The following PLCB4 variants were observed in gnomAD, a reference collection of about 807,000 sequenced individuals.
The protein encoded by PLCB4 is phospholipase C beta 4.
PLCB4 carries 77 observed loss-of-function variants against 178.8 expected under a neutral mutation model. The ratio of observed to expected loss-of-function variants is 0.43; its 90% confidence interval spans 0.36 to 0.52. PLCB4 has a LOEUF of 0.52. Among genes scored for constraint, PLCB4 ranks in the 20% least tolerant of loss-of-function variants. The pLI is 0.00. For synonymous variants in PLCB4, 496 were observed against 490.8 expected (o/e 1.01, Z -0.14); for missense variants, 1,024 against 1,453.4 (o/e 0.70, Z 4.80).
intron 3 of PLCB4, among the ~76,000 whole-genome samples, chr20:9,219,074 C>CA (rs1225933931): frequency 1.3e-5 from 2 of 151,874 alleles, no homozygotes; most frequent in African/African-American, 4.8e-5. Context: ...TTCAAGAGTC[C>CA]AAAAAAAGAA....
At chr20:9,335,248 T>A (rs530791883) in intron 4 of PLCB4, among the ~76,000 whole-genome samples, 1 of 152,298 alleles carries the variant, frequency 6.6e-6, no homozygotes, top group South Asian at 2.1e-4. Context: ...AGACCCGCCA[T>A]GGCCTTTTGG....
At chr20:9,328,092 G>A (rs545616856) in intron 4 of PLCB4, among the ~76,000 whole-genome samples, 1 of 152,316 alleles carries the variant, frequency 6.6e-6, no homozygotes, top group Admixed American at 6.5e-5. Flanking sequence ...AATAACGGAA[G>A]AGGGATTTAG....
chr20:9,455,115 C>A (rs1252324159), intron 33 of PLCB4, among the ~76,000 whole-genome samples: 1 of 152,128 alleles, frequency 6.6e-6, no homozygotes. Flanking sequence ...ATTAATTTCT[C>A]ATATTTAATG....
At chr20:9,297,247 G>A (rs1233205128) in intron 3 of PLCB4, among the ~76,000 whole-genome samples, 2 of 151,754 alleles carry the variant, frequency 1.3e-5, no homozygotes, top group Non-Finnish European at 2.9e-5. Context: ...GGTCACTTCT[G>A]TAATTCACTA....
In PLCB4 at chr20:9,267,479, G is replaced by A. The variant is rs144292685; in HGVS notation, c.-15-40321G>A. ...CTGTTTAGAAGTAGAAATTAGTCAA[G>A]CTTTTTAAAATAATTATTATTTGTA... On this transcript the variant is annotated intron_variant, in intron 3 of 39. Transcript: ENST00000378473. 2.0e-5 allele frequency among the ~76,000 whole-genome samples: 3 copies of A among 152,092 alleles called. No homozygotes were observed. The East Asian group carries it at 5.8e-4, about 29-fold the overall frequency.
chr20:9,106,728 G>A (rs773515646), intron 2 of PLCB4, among the ~76,000 whole-genome samples: 1 of 151,994 alleles, frequency 6.6e-6, no homozygotes, highest in Non-Finnish European at 1.5e-5. Context: ...TGTGCCAATG[G>A]GAACATAAAC....
At chr20:9,106,551 A>T (rs1299160924) in intron 2 of PLCB4, among the ~76,000 whole-genome samples, 1 of 152,014 alleles carries the variant, frequency 6.6e-6, no homozygotes, top group Non-Finnish European at 1.5e-5. Context: ...ACACACACAC[A>T]CACACACACA....
chr20:9,290,311 A>G (rs1241181423), intron 3 of PLCB4, among the ~76,000 whole-genome samples: 2 of 152,048 alleles, frequency 1.3e-5, no homozygotes. Flanking sequence ...AAGAAGCTCC[A>G]TTTTCTCTCT....
At chr20:9,299,841 A>G (rs1472348024) in intron 3 of PLCB4, among the ~76,000 whole-genome samples, 3 of 152,040 alleles carry the variant, frequency 2.0e-5, no homozygotes, top group African/African-American at 4.8e-5. Flanking sequence ...TGGATATTTC[A>G]AGGCTATAGA....
intron 4 of PLCB4, among the ~76,000 whole-genome samples, chr20:9,317,823 G>T (rs2094916023): frequency 6.6e-6 from 1 of 152,196 alleles, no homozygotes; most frequent in African/African-American, 2.4e-5. Flanking sequence ...GTTTGGGCAG[G>T]CGTGGTGGCT....
chr20:9,366,532 C>G (rs2035801881), intron 9 of PLCB4, among the ~76,000 whole-genome samples: 2 of 152,124 alleles, frequency 1.3e-5, no homozygotes, highest in South Asian at 4.1e-4. Context: ...ATGCATCCCT[C>G]TTTTCTGCTT....
intron 3 of PLCB4, among the ~76,000 whole-genome samples, chr20:9,247,126 C>G (rs2094134219): frequency 6.6e-6 from 1 of 152,088 alleles, no homozygotes; most frequent in Non-Finnish European, 1.5e-5. Context: ...TTATTGGTGG[C>G]AGAATCACAG....
At chr20:9,238,410 C>A (rs1161403856) in intron 3 of PLCB4, among the ~76,000 whole-genome samples, 2 of 152,120 alleles carry the variant, frequency 1.3e-5, no homozygotes, top group Non-Finnish European at 2.9e-5. Context: ...GAGTTGACCC[C>A]CCCCCGAGGG....
At position 9,320,573 on chromosome 20, in the gene PLCB4, A is replaced by G. The variant is rs112950143; in HGVS notation, c.84+12675A>G. Among the ~76,000 whole-genome samples the G allele has an allele frequency of 6.4e-4, 97 of 152,294 alleles. 1 individual carries two copies. Among genetic ancestry groups the G allele is most frequent in the African/African-American group, 2.2e-3 (92 of 41,558 alleles). On this transcript the variant is annotated intron_variant, in intron 4 of 39. Coordinates refer to ENST00000378473, the MANE Select transcript of PLCB4 (RefSeq NM_001377142.1). ...GCCTCGTTTTACCCAGCCCTGTTCA[A>G]GATGGAGTGGTTCTGGCTCCAGTGC...
chr20:9,149,863 G>A (rs1257824640), intron 2 of PLCB4, among the ~76,000 whole-genome samples: 1 of 152,162 alleles, frequency 6.6e-6, no homozygotes, highest in Non-Finnish European at 1.5e-5. Context: ...CTGTGGAGGG[G>A]AAAGGACGGA....
intron 7 of PLCB4, among the ~76,000 whole-genome samples, chr20:9,357,887 A>G (rs2034980732): frequency 6.6e-6 from 1 of 152,216 alleles, no homozygotes. Flanking sequence ...GGGCAGTGGA[A>G]GGAGAACTCC....
At chr20:9,306,591 C>T (rs2094770045) in intron 3 of PLCB4, among the ~76,000 whole-genome samples, 1 of 152,156 alleles carries the variant, frequency 6.6e-6, no homozygotes, top group Admixed American at 6.5e-5. Context: ...AATCAGTATG[C>T]TGAAGTCAGG....
chr20:9,406,296 A>C (rs2039430702), intron 21 of PLCB4, among the ~76,000 whole-genome samples: 1 of 152,162 alleles, frequency 6.6e-6, no homozygotes, highest in East Asian at 1.9e-4. Context: ...TATTATTATT[A>C]AACACACATG....
rs369556766 is a variant in PLCB4, at chr20:9,285,097, G to A, written c.-15-22703G>A. Among the ~76,000 whole-genome samples, 4 of 150,446 alleles carry A rather than the reference G, an allele frequency of 2.7e-5. No individual in the cohort carries two copies. In the South Asian group the frequency reaches 8.4e-4, roughly 32 times the overall value. On this transcript the variant is annotated intron_variant, in intron 3 of 39. Coordinates refer to ENST00000378473, the MANE Select transcript of PLCB4 (RefSeq NM_001377142.1). ...TGCAAAGAAAACCATCAAAAAACAA[G>A]GAACTTTCTGTGTAAGTGTGCTAGG...
Sources: allele counts gnomAD v4.1 joint callset (sites outside exome capture counted in the v4.1 genomes callset), GRCh38; gene constraint gnomAD v4.1.1; transcripts MANE v1.5; gene names NCBI Gene and HGNC (gene_info 2026-07-23, HGNC 2026-07-21).